PIK3AP1: variants seen among roughly 807,000 people sequenced by gnomAD.
The protein encoded by PIK3AP1 is phosphoinositide 3-kinase adapter protein 1.
PIK3AP1 carries 21 observed loss-of-function variants against 88.1 expected under a neutral mutation model. The observed-to-expected ratio is 0.24, with a 90% CI of 0.17 to 0.34. The LOEUF (loss-of-function observed/expected upper bound fraction) is 0.34, where lower values mean the gene tolerates loss of function less well. Ranked by LOEUF, PIK3AP1 falls within the 10% of genes least tolerant of loss-of-function variation. The probability of loss-of-function intolerance (pLI) is 1.00; values close to 1 mark genes in which losing one functional copy is unlikely to be tolerated. For missense variants in PIK3AP1, 828 were observed against 1,035.7 expected (o/e 0.80, Z 2.75); for synonymous variants, 398 against 400.0 (o/e 1.00, Z 0.06).
intron 2 of PIK3AP1, among the ~76,000 whole-genome samples, chr10:96,664,669 T>C (rs982764677): frequency 2.6e-5 from 4 of 152,184 alleles, no homozygotes; most frequent in Admixed American, 6.5e-5. Flanking sequence ...TTCCCAGCAT[T>C]CAGACAGGCC....
chr10:96,623,311 C>G (rs1056313209), intron 11 of PIK3AP1, among the ~76,000 whole-genome samples, 161 bp downstream of exon 11: 10 of 152,098 alleles, frequency 6.6e-5, no homozygotes, highest in Non-Finnish European at 1.5e-4. Flanking sequence ...GATTCACCCC[C>G]CTTAGCCTCC....
At chr10:96,683,819 G>A (rs747891041) in intron 2 of PIK3AP1, among the ~76,000 whole-genome samples, 10 of 152,182 alleles carry the variant, frequency 6.6e-5, no homozygotes, top group East Asian at 1.9e-4. Flanking sequence ...TCATAGGATG[G>A]CAGATGTTTT....
At position 96,594,237 on chromosome 10, in the gene PIK3AP1, A is replaced by G. The variant is rs1848720065; in HGVS notation, c.*1340T>C. The G allele has an allele frequency of 6.6e-6, 1 of 152,222 alleles. No homozygotes were observed. Among genetic ancestry groups the G allele is most frequent in the Non-Finnish European group, 1.5e-5 (1 of 68,042 alleles). 9.4% of individuals were successfully genotyped at this position (152,222 alleles called of 1,614,324 possible). ...TAGATAACTACAGTCGTACTTTGGT[A>G]TCCATGGGGGATTGGTTCCAGGATC... is the stretch of plus-strand genomic sequence containing the variant. On this transcript the variant is annotated 3_prime_UTR_variant, in exon 17 of 17. Transcript: ENST00000339364. This position sits in a 1 kb window ranked among gnomAD's most constrained non-coding sequence, Gnocchi z 4.6.
At chr10:96,611,556 G>A (rs566968201) in intron 13 of PIK3AP1, among the ~76,000 whole-genome samples, 6,025 of 152,166 alleles carry the variant, frequency 0.04, 147 homozygotes, top group African/African-American at 0.064. Context: ...TTCAACCTCT[G>A]CCTCCTGGGT....
Position 96,645,458 on chromosome 10 carries a change from G to A in PIK3AP1, c.1375+15C>T. On this transcript the variant is annotated intron_variant, in intron 8 of 16. Coordinates refer to ENST00000339364, the MANE Select transcript of PIK3AP1 (RefSeq NM_152309.3). ...CAGCAGAAAGGTGGAAGCAGAACTG[G>A]GTTGTGCTACTTACAGAGGTCTTCA... The A allele has an allele frequency of 6.2e-7, 1 of 1,610,420 alleles. No homozygotes were observed. The highest frequency in any genetic ancestry group is 8.5e-7 in the Non-Finnish European group (1 of 1,178,628).
At chr10:96,698,995 T>C (rs937198535) in intron 2 of PIK3AP1, among the ~76,000 whole-genome samples, 2 of 151,866 alleles carry the variant, frequency 1.3e-5, no homozygotes, top group Admixed American at 6.6e-5. Flanking sequence ...CTGGCCAACA[T>C]AGAGAAATCC....
chr10:96,632,305 A>G (rs1280623384), intron 8 of PIK3AP1, among the ~76,000 whole-genome samples: 1 of 152,234 alleles, frequency 6.6e-6, no homozygotes, highest in Non-Finnish European at 1.5e-5. Flanking sequence ...TGGTAATTGT[A>G]CTATGGTTAT....
At chr10:96,645,925 A>G (rs1211256164) in intron 7 of PIK3AP1, among the ~76,000 whole-genome samples, 5 of 152,082 alleles carry the variant, frequency 3.3e-5, no homozygotes, top group African/African-American at 1.2e-4. Flanking sequence ...CTCAGGAAAT[A>G]CTCGTTAAAT....
chr10:96,641,301 G>A (rs1843386381), intron 8 of PIK3AP1, among the ~76,000 whole-genome samples: 1 of 152,066 alleles, frequency 6.6e-6, no homozygotes, highest in East Asian at 1.9e-4. Flanking sequence ...CTTTGGAGAA[G>A]CAACCTCATT....
chr10:96,716,515 C>T lies in PIK3AP1; in HGVS notation c.13+3867G>A, dbSNP rs1363871947. ...GAGGACAATGAAATCTATCACCTTC[C>T]CGAATATTGCTGTGCTGGGAAACTG... On this transcript the variant is annotated intron_variant, in intron 1 of 16. Coordinates refer to ENST00000339364, the MANE Select transcript of PIK3AP1 (RefSeq NM_152309.3). 2.0e-5 allele frequency among the ~76,000 whole-genome samples: 3 copies of T among 152,136 alleles called. No homozygotes were observed. In the East Asian group the frequency reaches 5.8e-4, roughly 29 times the overall value.
At chr10:96,691,504 G>A (rs1446115803) in intron 2 of PIK3AP1, among the ~76,000 whole-genome samples, 1 of 152,170 alleles carries the variant, frequency 6.6e-6, no homozygotes, top group East Asian at 1.9e-4. Flanking sequence ...TCTTGGATGG[G>A]GGAGGTGGTG....
rs935739056 is a variant in PIK3AP1, at chr10:96,609,821, T to G, written c.2061A>C (p.Ala687=). The change falls in exon 14 of 17, where the codon GCA becomes GCC. Residue 687 remains alanine, a synonymous_variant. Coordinates refer to ENST00000339364, the MANE Select transcript of PIK3AP1 (RefSeq NM_152309.3). ...VPIRHSQHLP[A]KVEFGVYESG... Reference sequence around the variant, plus strand: ...TCTCATAGACTCCAAACTCCACTTTTGCAGGCAGGTGCTGTGAGTGCCGAA... The same window carrying G: ...TCTCATAGACTCCAAACTCCACTTTGGCAGGCAGGTGCTGTGAGTGCCGAA... 1 of 1,614,074 alleles carries G rather than the reference T, an allele frequency of 6.2e-7. No homozygotes were observed. Among genetic ancestry groups the G allele is most frequent in the African/African-American group, 1.3e-5 (1 of 74,918 alleles).
At chr10:96,680,886 T>C (rs1843990862) in intron 2 of PIK3AP1, among the ~76,000 whole-genome samples, 2 of 152,238 alleles carry the variant, frequency 1.3e-5, no homozygotes, top group Admixed American at 6.5e-5. Flanking sequence ...CTCAGGATTA[T>C]CATATTGAAC....
intron 1 of PIK3AP1, among the ~76,000 whole-genome samples, chr10:96,716,340 G>A (rs774783991): frequency 6.6e-6 from 1 of 152,168 alleles, no homozygotes; most frequent in Non-Finnish European, 1.5e-5. Flanking sequence ...TGGGGTTCTA[G>A]TGTTAAATTC....
intron 2 of PIK3AP1, among the ~76,000 whole-genome samples, chr10:96,696,483 T>C (rs1246730625): frequency 1.3e-5 from 2 of 152,190 alleles, no homozygotes; most frequent in African/African-American, 2.4e-5. Context: ...TCATCCTCTT[T>C]CCTGGGCCAT....
At chr10:96,662,755 G>A (rs1357965405) in intron 2 of PIK3AP1, among the ~76,000 whole-genome samples, 6 of 150,258 alleles carry the variant, frequency 4.0e-5, no homozygotes, top group Admixed American at 2.0e-4. Flanking sequence ...GGTGGCGGGC[G>A]CCTGTAGTCC....
Position 96,626,687 on chromosome 10 carries a change from A to G in PIK3AP1, c.1669+21T>C, listed in dbSNP as rs1386329388. 2.5e-6 allele frequency: 4 copies of G among 1,611,048 alleles called. No homozygotes were observed. In the African/African-American group the frequency reaches 5.3e-5, roughly 22 times the overall value. On this transcript the variant is annotated intron_variant, in intron 10 of 16. Transcript: ENST00000339364. ...AGAAGCTCCAAAGACCCAGTTGGAC[A>G]TCATTCCCTGCCATACTTGCCTTTA...
At chr10:96,643,676 G>C (rs1843421346) in intron 8 of PIK3AP1, among the ~76,000 whole-genome samples, 1 of 152,206 alleles carries the variant, frequency 6.6e-6, no homozygotes, top group Non-Finnish European at 1.5e-5. Context: ...CAGTGTCAAA[G>C]GCCTGCTGGC....
chr10:96,696,244 T>C (rs940076892), intron 2 of PIK3AP1, among the ~76,000 whole-genome samples: 1 of 152,154 alleles, frequency 6.6e-6, no homozygotes, highest in Non-Finnish European at 1.5e-5. Flanking sequence ...ACAGTGAAAA[T>C]TTTAAAAGTC....
Sources: allele counts gnomAD v4.1 joint callset (sites outside exome capture counted in the v4.1 genomes callset), GRCh38; gene constraint gnomAD v4.1.1; non-coding constraint Gnocchi (gnomAD v3.1); transcripts MANE v1.5; gene names NCBI Gene and HGNC (gene_info 2026-07-23, HGNC 2026-07-21).